Variants in ENOSF1 observed in about 807,000 individuals in gnomAD.
ENOSF1 encodes enolase superfamily member 1, also known as mitochondrial enolase superfamily member 1.
Under a neutral mutation model 68.2 loss-of-function variants are expected in ENOSF1, and 73 were observed. The ratio of observed to expected loss-of-function variants is 1.07; its 90% confidence interval spans 0.89 to 1.30. The LOEUF is 1.30. Among genes scored for constraint, ENOSF1 ranks in the 50% most tolerant of loss-of-function variants. The pLI, the probability that ENOSF1 is intolerant of heterozygous loss-of-function variation, is 0.00. For synonymous variants in ENOSF1, 223 were observed against 210.4 expected, an observed-to-expected ratio of 1.06 and a Z score of -0.52; for missense variants, 589 against 554.5, an observed-to-expected ratio of 1.06 and a Z score of -0.62.
chr18:691,109 G>A lies in ENOSF1; in HGVS notation c.497-3C>T. ...AATTTGACCTTTCTGCAGTATTTCT[G>A]GAAGAAATAAAAAGCATCACTCACT... On this transcript the variant is annotated splice_region_variant and splice_polypyrimidine_tract_variant and intron_variant, in intron 6 of 15. Transcript: ENST00000647584. 1 of 1,614,024 alleles carries A rather than the reference G, an allele frequency of 6.2e-7. No individual in the cohort carries two copies.
At position 670,894 on chromosome 18, in the gene ENOSF1, G is replaced by A. The variant is rs1428804868; in HGVS notation, c.*3411C>T. The A allele has an allele frequency of 3.1e-6, 5 of 1,612,380 alleles. No homozygotes were observed. The Admixed American group carries it at 6.7e-5, about 22-fold the overall frequency. On this transcript the variant is annotated 3_prime_UTR_variant, in exon 16 of 16. Transcript: ENST00000647584. Reference sequence around the variant, plus strand: ...TGGGCTGTCTCGGGAAGGGTGACTTGCCAGCCTACCACACTGAGCTCTTCA... The same window carrying A: ...TGGGCTGTCTCGGGAAGGGTGACTTACCAGCCTACCACACTGAGCTCTTCA...
In ENOSF1 at chr18:691,175, C is replaced by T. The variant is rs780161709; in HGVS notation, c.496+29G>A. The T allele has an allele frequency of 2.2e-5, 36 of 1,613,428 alleles. No homozygotes were observed. The South Asian group carries it at 3.6e-4, about 16-fold the overall frequency. ...GCATGCCACTACTGTGTGTGCACGT[C>T]GTGTATCCCAGAAAGCTTCCAAACT... On this transcript the variant is annotated intron_variant, in intron 6 of 15. Transcript: ENST00000647584.
At chr18:669,144 G>T (rs761487013), downstream of ENOSF1, 57 of 1,614,046 alleles carry the variant, frequency 3.5e-5, no homozygotes, top group Non-Finnish European at 4.7e-5. Context: ...GACGACAGAA[G>T]AATCATCATG....
Position 694,225 on chromosome 18 carries a change from TGAGC to T in ENOSF1, c.396+19_396+22del. On this transcript the variant is annotated intron_variant, in intron 4 of 15. Transcript: ENST00000647584. ...TGTCGTACAGCTCCCAGGAGCCTCC[TGAGC>T]GTTTGTGAGAGGGGTTACCTTTCCC... 8.1e-6 allele frequency: 13 copies of T among 1,611,866 alleles called. No homozygotes were observed. The highest frequency in any genetic ancestry group is 1.1e-5 in the Non-Finnish European group (13 of 1,178,388).
chr18:694,284 G>A lies in ENOSF1; in HGVS notation c.360C>T (p.Asn120=), dbSNP rs751190272. ...GCTTGGCCCACAAGTCCCACACCGC[G>A]TTTAGGACGGCCGCTGTCGCCAGGT... ...VVHLATAAVL[N]AVWDLWAKQE... The change falls in exon 4 of 16, where the codon AAC becomes AAT. Residue 120 remains asparagine (N), a synonymous_variant. Transcript: ENST00000647584. 31 of 1,614,050 alleles carry A rather than the reference G, an allele frequency of 1.9e-5. No individual in the cohort carries two copies. Among genetic ancestry groups the A allele is most frequent in the Middle Eastern group, 1.6e-4 (1 of 6,084 alleles).
chr18:699,005 C>T (rs2078042126), intron 2 of ENOSF1, among the ~76,000 whole-genome samples: 4 of 152,308 alleles, frequency 2.6e-5, no homozygotes, highest in African/African-American at 7.2e-5. Context: ...CGCAACACCA[C>T]ACCAGCTAAT....
At position 677,762 on chromosome 18, in the gene ENOSF1, C is replaced by T; in HGVS notation, c.1029G>A (p.Leu343=). 1 of 1,613,612 alleles carries T rather than the reference C, an allele frequency of 6.2e-7. No homozygotes were observed. Among genetic ancestry groups the T allele is most frequent in the Non-Finnish European group, 8.5e-7 (1 of 1,179,884 alleles). The change falls in exon 13 of 16, where the codon CTG becomes CTA. Residue 343 remains leucine, a synonymous_variant. Coordinates refer to ENST00000647584, the MANE Select transcript of ENOSF1 (RefSeq NM_017512.7). ...GSVNENLSVL[L]MAKKFEIPVC... is the part of the protein sequence containing the mutation. ...GCTTACTTTCAAACTTTTTGGCCAT[C>T]AGCAATACTGAGAGGTTCTCATTGA...
Position 677,368 on chromosome 18 carries a change from T to A in ENOSF1, c.1125A>T (p.Ser375=). 1 of 1,613,854 alleles carries A rather than the reference T, an allele frequency of 6.2e-7. No homozygotes were observed. Residue 375 remains serine, a synonymous_variant, in exon 14 of 16, where the codon TCA becomes TCT. Transcript: ENST00000647584. ...VQHLIIFDYI[S]VSASLENRVC... ...ACCTATTTTCAAGGCTTGCAGAAAC[T>A]GATATGTAGTCAAATATAATCAGGT...
At chr18:681,016 C>T (rs915726905) in intron 11 of ENOSF1, among the ~76,000 whole-genome samples, 4 of 152,018 alleles carry the variant, frequency 2.6e-5, no homozygotes, top group Non-Finnish European at 5.9e-5. Context: ...GTCAGAAGAT[C>T]GAGACCAGCT....
chr18:708,642 G>A (rs2079191032), intron 1 of ENOSF1, among the ~76,000 whole-genome samples: 1 of 152,214 alleles, frequency 6.6e-6, no homozygotes, highest in Admixed American at 6.5e-5. Context: ...CTTGAAGAGG[G>A]AGAGCGCTTT....
chr18:676,465 C>T (rs985589700), intron 14 of ENOSF1, among the ~76,000 whole-genome samples: 7 of 152,208 alleles, frequency 4.6e-5, no homozygotes, highest in African/African-American at 1.4e-4. Flanking sequence ...CCCTCACTCT[C>T]TCTTCCTCCT....
At chr18:712,234 G>T in intron 1 of ENOSF1, 1 of 1,505,822 alleles carries the variant, frequency 6.6e-7, no homozygotes, top group South Asian at 1.2e-5. Context: ...CATGAAAAGC[G>T]AGTGTCTCCC....
chr18:693,008 G>C, intron 5 of ENOSF1: 1 of 1,216,898 alleles, frequency 8.2e-7, no homozygotes, highest in South Asian at 1.4e-5. Flanking sequence ...CGCCACCCAG[G>C]TGTTGCACTG....
chr18:683,130 A>T, intron 11 of ENOSF1, 116 bp downstream of exon 11: 1 of 1,246,138 alleles, frequency 8.0e-7, no homozygotes, highest in Non-Finnish European at 1.1e-6. Flanking sequence ...TATTTCAGCT[A>T]CTTCAACAGG....
intron 2 of ENOSF1, among the ~76,000 whole-genome samples, chr18:704,440 G>GAAAAAAAAAAAAAAAA (rs11429267): frequency 2.1e-5 from 2 of 97,252 alleles, no homozygotes; most frequent in African/African-American, 3.8e-5. Context: ...AAAAAGAAAA[G>GAAAAAAAAAAAAAAAA]AAAAAAAAAA....
At chr18:701,939 G>GATAAATAA (rs142996189) in intron 2 of ENOSF1, among the ~76,000 whole-genome samples, 16,178 of 148,052 alleles carry the variant, frequency 0.11, 879 homozygotes, top group Middle Eastern at 0.21. Context: ...TAAATACATA[G>GATAAATAA]ATAAATAAAT....
chr18:672,890 C>G lies in ENOSF1; in HGVS notation c.*1415G>C, dbSNP rs1467164009. 4.4e-6 allele frequency: 7 copies of G among 1,594,980 alleles called. No homozygotes were observed. Among genetic ancestry groups the G allele is most frequent in the African/African-American group, 1.3e-5 (1 of 74,720 alleles). On this transcript the variant is annotated 3_prime_UTR_variant, in exon 16 of 16. Transcript: ENST00000647584. ...GCGAGAACCCAGACCTTTCCCAAAG[C>G]TCAGGATTCTTCGAAAAGTTGAGAA...
At chr18:690,657 T>G in intron 7 of ENOSF1, 26 bp from the exon 8 acceptor site, 5 of 1,613,488 alleles carry the variant, frequency 3.1e-6, no homozygotes, top group Non-Finnish European at 4.2e-6. Flanking sequence ...GCCGTCAACA[T>G]TTTGCACTTT....
intron 9 of ENOSF1, 76 bp from the exon 10 acceptor site, chr18:686,084 TGACC>T: frequency 1.0e-6 from 1 of 972,958 alleles, no homozygotes; most frequent in East Asian, 2.4e-5. Context: ...TCTGCAGAAG[TGACC>T]GTCTCTGTCA....
Sources: allele counts gnomAD v4.1 joint callset (sites outside exome capture counted in the v4.1 genomes callset), GRCh38; gene constraint gnomAD v4.1.1; transcripts MANE v1.5; gene names NCBI Gene and HGNC (gene_info 2026-07-23, HGNC 2026-07-21).